Variants in ICA1L observed in about 807,000 individuals in gnomAD.
ICA1L encodes the protein islet cell autoantigen 1-like protein.
ICA1L carries 50 observed loss-of-function variants against 61.3 expected under a neutral mutation model. The observed-to-expected ratio is 0.82, with a 90% confidence interval of 0.65 to 1.03. The LOEUF is 1.03. Among genes scored for constraint, ICA1L ranks in the 50% least tolerant of loss-of-function variants. ICA1L has a pLI of 0.00. For synonymous variants in ICA1L, 161 were observed against 191.3 expected, an observed-to-expected ratio of 0.84 and a Z score of 1.31; for missense variants, 508 against 556.7, an observed-to-expected ratio of 0.91 and a Z score of 0.88.
chr2:202,851,265 G>GT (rs1030764502), intron 1 of ICA1L, among the ~76,000 whole-genome samples: 2 of 150,980 alleles, frequency 1.3e-5, no homozygotes, highest in African/African-American at 2.4e-5. Flanking sequence ...TGCAGTGTTT[G>GT]TTTTTTTGTC....
intron 1 of ICA1L, among the ~76,000 whole-genome samples, chr2:202,863,305 A>G (rs1694971996): frequency 1.3e-5 from 2 of 152,170 alleles, no homozygotes; most frequent in African/African-American, 4.8e-5. Flanking sequence ...AAAAAAAGAA[A>G]AAAAGGTATA....
At chr2:202,853,249 C>T (rs1559148763) in intron 1 of ICA1L, among the ~76,000 whole-genome samples, 1 of 150,834 alleles carries the variant, frequency 6.6e-6, no homozygotes, top group East Asian at 2.0e-4. Flanking sequence ...CCCAGCTACT[C>T]GGGAGGCTGA....
chr2:202,835,153 T>C (rs748957794), intron 1 of ICA1L, among the ~76,000 whole-genome samples: 6 of 151,968 alleles, frequency 3.9e-5, no homozygotes, highest in Non-Finnish European at 7.4e-5. Context: ...GTTAAATTTA[T>C]TCCTAAGTAT....
chr2:202,836,642 A>G (rs1694155248), intron 1 of ICA1L, among the ~76,000 whole-genome samples: 1 of 151,940 alleles, frequency 6.6e-6, no homozygotes. Context: ...CTTTTCTTTA[A>G]TGGGAGACTT....
intron 12 of ICA1L, among the ~76,000 whole-genome samples, chr2:202,781,873 A>G (rs535863375): frequency 6.6e-6 from 1 of 152,310 alleles, no homozygotes; most frequent in African/African-American, 2.4e-5. Context: ...ACACTCCTAC[A>G]CGCAGTTTTT....
chr2:202,854,410 CA>C (rs1694715715), intron 1 of ICA1L, among the ~76,000 whole-genome samples: 1 of 152,140 alleles, frequency 6.6e-6, no homozygotes, highest in South Asian at 2.1e-4. Flanking sequence ...TAGAGACCTA[CA>C]AAAAGACTTA....
At chr2:202,847,344 T>A (rs1694490495) in intron 1 of ICA1L, among the ~76,000 whole-genome samples, 1 of 152,216 alleles carries the variant, frequency 6.6e-6, no homozygotes. Flanking sequence ...ATCTGTGACA[T>A]CTTGAATCTG....
At chr2:202,811,586 T>A (rs1693379921) in intron 9 of ICA1L, among the ~76,000 whole-genome samples, 160 bp downstream of exon 9, 1 of 135,964 alleles carries the variant, frequency 7.4e-6, no homozygotes, top group African/African-American at 2.8e-5. Flanking sequence ...GGCATGAACC[T>A]GGGAGGCAGA....
chr2:202,846,728 G>C (rs566156279), intron 1 of ICA1L, among the ~76,000 whole-genome samples: 24 of 118,404 alleles, frequency 2.0e-4, no homozygotes, highest in African/African-American at 5.1e-4. Flanking sequence ...TTATCCAAAA[G>C]TGAGTCATTC....
intron 1 of ICA1L, among the ~76,000 whole-genome samples, chr2:202,857,525 G>T (rs912098421): frequency 6.6e-5 from 10 of 152,146 alleles, no homozygotes; most frequent in Non-Finnish European, 1.5e-4. Context: ...AAAAACCCTA[G>T]AAGAAAACCT....
rs1692123581 is a variant in ICA1L at position 202,773,626 on chromosome 2, C to A, written c.*5907G>T. On this transcript the variant is annotated 3_prime_UTR_variant, in exon 13 of 13. Coordinates refer to ENST00000358299, the MANE Select transcript of ICA1L (RefSeq NM_001288622.3). Reference sequence around the variant, plus strand: ...GCCTGATATGCTCAAAGCAAAGCCTCTTTCCCACAAACTAAATTCCATCCA... The same window carrying A: ...GCCTGATATGCTCAAAGCAAAGCCTATTTCCCACAAACTAAATTCCATCCA... The A allele has an allele frequency of 6.2e-6, 4 of 642,614 alleles. No homozygotes were observed. Among genetic ancestry groups the A allele is most frequent in the Non-Finnish European group, 1.1e-5 (4 of 369,854 alleles). 39.8% of individuals were successfully genotyped at this position (642,614 alleles called of 1,614,324 possible). A position where few individuals can be genotyped will look rare whatever the true frequency, so the allele number is the denominator to read the frequency against.
intron 1 of ICA1L, among the ~76,000 whole-genome samples, chr2:202,838,892 A>G (rs1487846551): frequency 6.6e-6 from 1 of 152,118 alleles, no homozygotes; most frequent in Non-Finnish European, 1.5e-5. Flanking sequence ...ACATGGTAAG[A>G]AAAGGAGTAA....
intron 8 of ICA1L, 22 bp downstream of exon 8, chr2:202,814,680 C>A: frequency 1.3e-6 from 2 of 1,540,402 alleles, no homozygotes; most frequent in Non-Finnish European, 1.8e-6. Flanking sequence ...TAACATGACA[C>A]AGATGACTTA....
intron 6 of ICA1L, among the ~76,000 whole-genome samples, chr2:202,816,933 AAGAAC>A (rs1693555389): frequency 6.6e-6 from 1 of 152,216 alleles, no homozygotes; most frequent in Non-Finnish European, 1.5e-5. Flanking sequence ...ACAGAATGAA[AAGAAC>A]ATATAACTTA....
In ICA1L at chr2:202,826,425, A is replaced by C. The variant is rs138176271; in HGVS notation, c.163-658T>G. ...CATAACTCTTCACACACATTAATGT[A>C]GGTGTTCCCAGATAAACAAGCAAGC... On this transcript the variant is annotated intron_variant, in intron 2 of 12. Transcript: ENST00000358299. 1.8e-3 allele frequency among the ~76,000 whole-genome samples: 271 copies of C among 152,290 alleles called. 1 individual carries two copies. The highest frequency in any genetic ancestry group is 3.1e-3 in the Non-Finnish European group (213 of 68,024).
chr2:202,858,920 G>C (rs745352775), intron 1 of ICA1L, among the ~76,000 whole-genome samples: 24 of 152,172 alleles, frequency 1.6e-4, no homozygotes, highest in Admixed American at 3.3e-4. Flanking sequence ...TGACAAAATT[G>C]CCTAAGGACA....
chr2:202,841,269 A>C, intron 1 of ICA1L: 3 of 737,210 alleles, frequency 4.1e-6, no homozygotes, highest in Non-Finnish European at 7.5e-6. Flanking sequence ...GTCTTCCACC[A>C]GCCCTGGCAT....
intron 1 of ICA1L, among the ~76,000 whole-genome samples, chr2:202,836,185 A>G (rs1399018324): frequency 6.6e-6 from 1 of 152,212 alleles, no homozygotes; most frequent in Non-Finnish European, 1.5e-5. Context: ...GTTGAGAGAC[A>G]TTCTTTCTCT....
chr2:202,869,120 G>C (rs951115936), intron 1 of ICA1L, among the ~76,000 whole-genome samples: 2 of 152,204 alleles, frequency 1.3e-5, no homozygotes, highest in African/African-American at 4.8e-5. Context: ...AGTACTTTGG[G>C]AGGCTGAGGC....
Sources: gnomAD v4.1 joint callset for allele counts (sites outside exome capture counted in the v4.1 genomes callset) on GRCh38, gnomAD v4.1.1 for gene constraint, MANE v1.5 for transcripts, NCBI Gene and HGNC (gene_info 2026-07-23, HGNC 2026-07-21) for gene names.